The following FGF13 variants were observed in gnomAD, a reference collection of about 807,000 sequenced individuals.
FGF13 encodes the protein fibroblast growth factor homologous factor 2.
Under a neutral mutation model 19.5 loss-of-function variants are expected in FGF13, and 2 were observed. That is an observed-to-expected ratio of 0.10 (90% CI 0.04 to 0.32). The LOEUF is 0.32. FGF13 is among the 10% of genes least tolerant of loss of function. The pLI is 1.00. For missense variants in FGF13, 113 were observed against 192.7 expected (o/e 0.59, Z 2.45); for synonymous variants, 72 against 76.9 (o/e 0.94, Z 0.33).
chrX:138,993,656 A>T (rs1188069969), intron 1 of FGF13, among the ~76,000 whole-genome samples: 4 of 111,835 alleles, frequency 3.6e-5, no homozygotes, highest in Non-Finnish European at 7.5e-5. Flanking sequence ...TCAAAATAAC[A>T]GATACATAGG....
chrX:139,169,989 C>A (rs762920160), intron 1 of FGF13, among the ~76,000 whole-genome samples: 12 of 111,382 alleles, frequency 1.1e-4, no homozygotes, highest in Admixed American at 4.8e-4. Context: ...GGAGCCATCA[C>A]GAAATTGCAG....
At chrX:138,667,404 T>G (rs952606973) in intron 3 of FGF13, among the ~76,000 whole-genome samples, 3 of 110,032 alleles carry the variant, frequency 2.7e-5, no homozygotes, top group African/African-American at 9.9e-5. Flanking sequence ...TGTAGATACC[T>G]TTTTGTATTT....
chrX:138,996,759 A>C (rs749244361), intron 1 of FGF13, among the ~76,000 whole-genome samples: 22 of 112,439 alleles, frequency 2.0e-4, no homozygotes, highest in Admixed American at 1.6e-3. Flanking sequence ...CAGCTTCAGC[A>C]GACTTAAACA....
intron 3 of FGF13, among the ~76,000 whole-genome samples, chrX:138,793,871 T>C (rs778699397): frequency 8.0e-5 from 9 of 112,083 alleles, no homozygotes; most frequent in Non-Finnish European, 1.3e-4. Context: ...CAGGATTAAA[T>C]TCAATATTGC....
At chrX:139,177,535 G>T (rs1473530597) in intron 1 of FGF13, among the ~76,000 whole-genome samples, 1 of 111,335 alleles carries the variant, frequency 9.0e-6, no homozygotes, top group East Asian at 2.8e-4. Context: ...TTTACAATTT[G>T]GTATGTTTTT....
At chrX:138,987,344 A>G (rs1242267251) in intron 1 of FGF13, among the ~76,000 whole-genome samples, 1 of 111,552 alleles carries the variant, frequency 9.0e-6, no homozygotes, top group African/African-American at 3.3e-5. Flanking sequence ...TTCCTACTCT[A>G]CTAATAAGCC....
At chrX:139,152,196 T>C (rs2083938785) in intron 1 of FGF13, among the ~76,000 whole-genome samples, 1 of 108,231 alleles carries the variant, frequency 9.2e-6, no homozygotes, top group South Asian at 4.1e-4. Flanking sequence ...GAGCAAACCA[T>C]AGCTCAAATC....
At chrX:139,091,457 A>G (rs2083439816) in intron 1 of FGF13, among the ~76,000 whole-genome samples, 1 of 111,627 alleles carries the variant, frequency 9.0e-6, no homozygotes, top group African/African-American at 3.3e-5. Context: ...GGCCACTACA[A>G]CATTTATCAT....
intron 1 of FGF13, among the ~76,000 whole-genome samples, chrX:139,122,060 A>C (rs62603213): frequency 0.11 from 12,358 of 110,828 alleles, 536 homozygotes; most frequent in South Asian, 0.22. Context: ...TCTGATAATG[A>C]AGGCAGCTGG....
intron 1 of FGF13, among the ~76,000 whole-genome samples, chrX:139,005,074 A>T (rs1355756585): frequency 1.8e-5 from 2 of 110,797 alleles, no homozygotes; most frequent in Non-Finnish European, 3.8e-5. Context: ...CTGAACAAAC[A>T]TAGATGGAAG....
chrX:139,101,621 A>C (rs1395553834), intron 1 of FGF13, among the ~76,000 whole-genome samples: 1 of 112,619 alleles, frequency 8.9e-6, no homozygotes, highest in Non-Finnish European at 1.9e-5. Context: ...AATATTAAAT[A>C]TGTCTGCAAT....
chrX:138,730,355 T>C (rs2090219657), intron 1 of FGF13, among the ~76,000 whole-genome samples: 1 of 111,180 alleles, frequency 9.0e-6, no homozygotes, highest in South Asian at 3.7e-4. Flanking sequence ...ATAATAATAA[T>C]GTGTGCATGT....
intron 3 of FGF13, among the ~76,000 whole-genome samples, chrX:138,748,413 T>C (rs2090371821): frequency 9.0e-6 from 1 of 111,010 alleles, no homozygotes; most frequent in Admixed American, 9.6e-5. Flanking sequence ...TCTCTTTCCA[T>C]GGAGAGGAAA....
intron 1 of FGF13, among the ~76,000 whole-genome samples, chrX:139,173,312 A>G (rs1447143660): frequency 9.0e-6 from 1 of 111,150 alleles, no homozygotes; most frequent in Admixed American, 9.6e-5. Context: ...TCTCTTCTAG[A>G]AATTGATACA....
At chrX:139,042,351 G>A (rs1378542791) in intron 1 of FGF13, among the ~76,000 whole-genome samples, 1 of 111,736 alleles carries the variant, frequency 8.9e-6, no homozygotes, top group African/African-American at 3.3e-5. Context: ...ATCATCCCAA[G>A]AATGGAGTGC....
chrX:138,868,959 C>CA (rs1218694388), intron 1 of FGF13, among the ~76,000 whole-genome samples: 4 of 109,710 alleles, frequency 3.6e-5, no homozygotes, highest in African/African-American at 6.6e-5. Flanking sequence ...GTGCTAGCGG[C>CA]AAAAAAAATT....
chrX:138,697,805 C>T (rs533088117), intron 3 of FGF13, among the ~76,000 whole-genome samples: 3 of 110,927 alleles, frequency 2.7e-5, no homozygotes, highest in African/African-American at 6.5e-5. Context: ...AGACATAGAA[C>T]GGGAATTTTT....
intron 1 of FGF13, among the ~76,000 whole-genome samples, chrX:139,175,081 G>A (rs1359409858): frequency 9.0e-6 from 1 of 111,486 alleles, no homozygotes; most frequent in Admixed American, 9.5e-5. Context: ...TTGAGCAGTG[G>A]TTTGTAGTTC....
At chrX:138,828,946 A>G (rs1436320480) in intron 3 of FGF13, among the ~76,000 whole-genome samples, 1 of 111,840 alleles carries the variant, frequency 8.9e-6, no homozygotes. Context: ...AATGGAGAGT[A>G]CAATAGTTTC....
Sources: gnomAD v4.1 joint callset for allele counts (sites outside exome capture counted in the v4.1 genomes callset) on GRCh38, gnomAD v4.1.1 for gene constraint, MANE v1.5 for transcripts, NCBI Gene and HGNC (gene_info 2026-07-23, HGNC 2026-07-21) for gene names.